WDR64: variants seen among roughly 807,000 people sequenced by gnomAD.
WDR64 encodes WD repeat-containing protein 64.
A neutral mutation model predicts 139.3 loss-of-function variants in WDR64; 112 were observed. The ratio of observed to expected loss-of-function variants is 0.80; its 90% CI spans 0.69 to 0.94. WDR64 has a LOEUF of 0.94. Among genes scored for constraint, WDR64 ranks in the 40% least tolerant of loss-of-function variants. The probability of loss-of-function intolerance (pLI) is 0.00; values close to 1 mark genes in which losing one functional copy is unlikely to be tolerated. For missense variants in WDR64, 1,206 were observed against 1,293.1 expected (o/e 0.93, Z 1.03); for synonymous variants, 444 against 437.7 (o/e 1.01, Z -0.18).
Position 241,740,753 on chromosome 1 carries a change from C to T in WDR64, c.1322-763C>T, listed in dbSNP as rs139889517. On this transcript the variant is annotated intron_variant, in intron 11 of 27. Coordinates refer to ENST00000437684, the MANE Select transcript of WDR64 (RefSeq NM_001367482.1). ...CATGACCTCGGCTCACTGCAACCTC[C>T]CTCCGGGGTTCAAGTGATTCTCCTG... Among the ~76,000 whole-genome samples, 197 of 151,956 alleles carry T rather than the reference C, an allele frequency of 1.3e-3. 4 individuals are homozygous for T. In the East Asian group the frequency reaches 0.033, roughly 25 times the overall value.
intron 6 of WDR64, 56 bp downstream of exon 6, chr1:241,679,651 C>A (rs182167508): frequency 5.7e-6 from 8 of 1,395,000 alleles, no homozygotes; most frequent in Non-Finnish European, 2.0e-6. Context: ...AGTAGTGGTA[C>A]GATATGAGCA....
In WDR64 at chr1:241,775,123, A is replaced by G; in HGVS notation, c.2449A>G (p.Met817Val). The G allele has an allele frequency of 6.4e-7, 1 of 1,550,978 alleles. No individual in the cohort carries two copies. Among genetic ancestry groups the G allele is most frequent in the Non-Finnish European group, 8.7e-7 (1 of 1,146,824 alleles). ...WTLEGRLLKDMLPFTKHSAIS... is the reference protein window; with the variant it reads ...WTLEGRLLKDVLPFTKHSAIS... ...TATTTAGGGAAGACTACTGAAAGAT[A>G]TGCTACCTTTCACAAAACATTCTGC... The change falls in exon 21 of 28, where the codon ATG becomes GTG. Residue 817 changes from methionine to valine, a missense_variant. Met to Val is a conservative substitution (Grantham distance 21). Coordinates refer to ENST00000437684, the MANE Select transcript of WDR64 (RefSeq NM_001367482.1).
At chr1:241,796,140 AGGGGG>A in intron 26 of WDR64, 112 bp from the exon 27 acceptor site, 1 of 506,200 alleles carries the variant, frequency 2.0e-6, no homozygotes, top group East Asian at 3.3e-5. Context: ...ACTGGGAAGA[AGGGGG>A]GTGTGTATTT....
At chr1:241,795,113 T>A (rs1659325416) in intron 25 of WDR64, 94 bp from the exon 26 acceptor site, 5 of 1,026,472 alleles carry the variant, frequency 4.9e-6, no homozygotes, top group Non-Finnish European at 5.9e-6. Flanking sequence ...AGATCACACA[T>A]CTAATAAGTG....
intron 9 of WDR64, among the ~76,000 whole-genome samples, chr1:241,714,242 T>C (rs1558486956): frequency 6.6e-6 from 1 of 152,090 alleles, no homozygotes; most frequent in African/African-American, 2.4e-5. Flanking sequence ...ATCAAGAAAG[T>C]GGCCTACATT....
intron 9 of WDR64, among the ~76,000 whole-genome samples, chr1:241,716,976 G>A (rs966381149): frequency 2.6e-5 from 4 of 152,094 alleles, no homozygotes; most frequent in African/African-American, 9.7e-5. Context: ...TTTCTTCTGG[G>A]GATATAGCCT....
Position 241,802,576 on chromosome 1 carries a change from T to C in WDR64, c.*1361T>C, listed in dbSNP as rs533376068. ...TTTCAAAAAATTAAGAATTGTAAAC[T>C]AATATTCTCATTGATATGCATGCTA... On this transcript the variant is annotated 3_prime_UTR_variant, in exon 28 of 28. Transcript: ENST00000437684. 1.4e-3 allele frequency among the ~76,000 whole-genome samples: 211 copies of C among 152,354 alleles called. No homozygotes were observed. Among genetic ancestry groups the C allele is most frequent in the African/African-American group, 4.8e-3 (201 of 41,590 alleles).
intron 1 of WDR64, among the ~76,000 whole-genome samples, chr1:241,653,675 C>T (rs1254153531): frequency 6.6e-6 from 1 of 151,806 alleles, no homozygotes; most frequent in Admixed American, 6.6e-5. Flanking sequence ...TCCCAAGTAG[C>T]TGGGATTACA....
chr1:241,768,024 T>C (rs1315185712), intron 16 of WDR64, among the ~76,000 whole-genome samples: 2 of 152,218 alleles, frequency 1.3e-5, no homozygotes, highest in Non-Finnish European at 2.9e-5. Flanking sequence ...TATGACTCTT[T>C]CCTAAGAAGG....
intron 11 of WDR64, 60 bp from the exon 12 acceptor site, chr1:241,741,456 C>T (rs1219917911): frequency 1.3e-6 from 2 of 1,491,904 alleles, no homozygotes; most frequent in East Asian, 2.4e-5. Flanking sequence ...TTGGCTGAAA[C>T]CCTTTGTGAT....
At chr1:241,686,197 T>C (rs1329967622) in intron 7 of WDR64, among the ~76,000 whole-genome samples, 1 of 152,182 alleles carries the variant, frequency 6.6e-6, no homozygotes, top group East Asian at 1.9e-4. Context: ...CTCACCAGAA[T>C]GACAAGTATT....
At chr1:241,707,295 T>A (rs1027929365) in intron 8 of WDR64, among the ~76,000 whole-genome samples, 1 of 152,218 alleles carries the variant, frequency 6.6e-6, no homozygotes, top group Non-Finnish European at 1.5e-5. Context: ...AAACTCTACT[T>A]CCTTCATAGG....
chr1:241,714,077 T>G (rs1407653945), intron 9 of WDR64, among the ~76,000 whole-genome samples: 2 of 152,274 alleles, frequency 1.3e-5, no homozygotes, highest in African/African-American at 4.8e-5. Flanking sequence ...AAGATCTGGT[T>G]GGAGATGAAT....
At chr1:241,725,509 A>G (rs1438486727) in intron 10 of WDR64, among the ~76,000 whole-genome samples, 1 of 150,908 alleles carries the variant, frequency 6.6e-6, no homozygotes, top group East Asian at 2.0e-4. Context: ...TCCAAGGCCC[A>G]GTCGTTCCCT....
intron 5 of WDR64, 123 bp from the exon 6 acceptor site, chr1:241,679,362 A>T: frequency 1.3e-6 from 1 of 744,540 alleles, no homozygotes; most frequent in Non-Finnish European, 2.3e-6. Context: ...ATGTACTGCA[A>T]GGCTTCTCTG....
chr1:241,673,506 T>C (rs1666324854), intron 3 of WDR64, among the ~76,000 whole-genome samples: 1 of 152,200 alleles, frequency 6.6e-6, no homozygotes, highest in Non-Finnish European at 1.5e-5. Context: ...TCCTGCTCCA[T>C]GCCATTTTAA....
At position 241,744,651 on chromosome 1, in the gene WDR64, G is replaced by A. The variant is rs138395485; in HGVS notation, c.1594+135G>A. On this transcript the variant is annotated intron_variant, in intron 13 of 27. Transcript: ENST00000437684. Reference sequence around the variant, plus strand: ...ATGTCTGGGTGCCAGTGAAATTCCTGTGCCTGGGTGAATAGTGGTAGAGTC... The same window carrying A: ...ATGTCTGGGTGCCAGTGAAATTCCTATGCCTGGGTGAATAGTGGTAGAGTC... 450 of 1,129,770 alleles carry A rather than the reference G, an allele frequency of 4.0e-4. 5 individuals are homozygous for A. In the East Asian group the frequency reaches 0.011, roughly 27 times the overall value. 70.0% of individuals were successfully genotyped at this position (1,129,770 alleles called of 1,614,324 possible). A position where few individuals can be genotyped will look rare whatever the true frequency, so the allele number is the denominator to read the frequency against.
At chr1:241,720,835 T>C (rs1247414409) in intron 9 of WDR64, among the ~76,000 whole-genome samples, 1 of 152,212 alleles carries the variant, frequency 6.6e-6, no homozygotes, top group Admixed American at 6.5e-5. Context: ...TTTGTTGCCA[T>C]TGCCTTTGGT....
In WDR64 at chr1:241,744,472, C is replaced by T. The variant is rs1669673428; in HGVS notation, c.1550C>T (p.Ala517Val). 1.2e-6 allele frequency: 2 copies of T among 1,614,138 alleles called. No individual in the cohort carries two copies. Among genetic ancestry groups the T allele is most frequent in the African/African-American group, 1.3e-5 (1 of 75,032 alleles). The change falls in exon 13 of 28, where the codon GCT becomes GTT. Residue 517 changes from alanine to valine, a missense_variant. By Grantham distance (64) the Ala-to-Val change is moderately conservative. Coordinates refer to ENST00000437684, the MANE Select transcript of WDR64 (RefSeq NM_001367482.1). ...HGFNTEVTSA[A>V]VDESGFLFAT... The stretch of plus-strand genomic sequence containing the variant: ...TTCAATACTGAAGTGACTTCTGCAG[C>T]TGTCGATGAAAGTGGATTTCTTTTT...
Sources: gnomAD v4.1 joint callset for allele counts (sites outside exome capture counted in the v4.1 genomes callset) on GRCh38, gnomAD v4.1.1 for gene constraint, MANE v1.5 for transcripts, NCBI Gene and HGNC (gene_info 2026-07-23, HGNC 2026-07-21) for gene names.